The following EEF1AKMT1 variants were observed in gnomAD, a reference collection of about 807,000 sequenced individuals.
EEF1AKMT1 encodes EEF1A lysine methyltransferase 1.
In EEF1AKMT1, 18 loss-of-function variants were observed where a neutral mutation model predicts 21.0. That is an observed-to-expected ratio of 0.86 (90% CI 0.59 to 1.27). The LOEUF (loss-of-function observed/expected upper bound fraction) is 1.27. EEF1AKMT1 is among the 50% of genes most tolerant of loss of function. The pLI is 0.00. For synonymous variants in EEF1AKMT1, 109 were observed against 94.8 expected, an observed-to-expected ratio of 1.15 and a Z score of -0.87; for missense variants, 246 against 258.6, an observed-to-expected ratio of 0.95 and a Z score of 0.33.
intron 1 of EEF1AKMT1, among the ~76,000 whole-genome samples, chr13:20,771,014 G>A (rs1402478661): frequency 1.3e-5 from 2 of 151,902 alleles, no homozygotes; most frequent in African/African-American, 2.4e-5. Flanking sequence ...TGAGTAGCTG[G>A]GACTACAGAT....
intron 3 of EEF1AKMT1, among the ~76,000 whole-genome samples, chr13:20,735,659 A>G (rs569459220): frequency 3.9e-4 from 59 of 152,232 alleles, no homozygotes; most frequent in Non-Finnish European, 6.5e-4. Flanking sequence ...TGAGGCTCCC[A>G]GTTTTCGAGT....
intron 1 of EEF1AKMT1, among the ~76,000 whole-genome samples, chr13:20,762,071 C>G (rs965434646): frequency 3.9e-5 from 6 of 152,120 alleles, no homozygotes; most frequent in Admixed American, 3.9e-4. Context: ...TGTATTTCAG[C>G]CTGGGTAACA....
chr13:20,744,075 T>C (rs187112270), intron 2 of EEF1AKMT1, among the ~76,000 whole-genome samples: 151 of 152,314 alleles, frequency 9.9e-4, no homozygotes, highest in Non-Finnish European at 1.6e-3. Flanking sequence ...TGTGCCACAT[T>C]GTCTTAATCC....
chr13:20,757,664 C>T lies in EEF1AKMT1; in HGVS notation c.-19-47G>A, dbSNP rs570099269. ...TTCTGTGCAGATTTTGTTTCCCCTT[C>T]CCAGCCAGTAATAATTTTTAAAAAT... On this transcript the variant is annotated intron_variant, in intron 1 of 4. Transcript: ENST00000382758. 86 of 1,448,172 alleles carry T rather than the reference C, an allele frequency of 5.9e-5. 1 individual carries two copies. The highest frequency in any genetic ancestry group is 7.5e-5 in the Non-Finnish European group (81 of 1,073,708). The allele number at this position is 1,448,172 out of a possible 1,614,324, so 89.7% of individuals were successfully genotyped here. A position where few individuals can be genotyped will look rare whatever the true frequency, so the allele number is the denominator to read the frequency against.
chr13:20,738,586 A>T (rs1253236974), intron 2 of EEF1AKMT1, among the ~76,000 whole-genome samples: 2 of 152,224 alleles, frequency 1.3e-5, no homozygotes, highest in African/African-American at 4.8e-5. Context: ...AAACAACTCA[A>T]GTGCCCATCA....
intron 3 of EEF1AKMT1, among the ~76,000 whole-genome samples, chr13:20,736,611 G>T (rs2058827654): frequency 6.6e-6 from 1 of 151,528 alleles, no homozygotes; most frequent in African/African-American, 2.4e-5. Context: ...TGGGAATAGG[G>T]TTTTTTTAAA....
In EEF1AKMT1 at chr13:20,732,031, T is replaced by C. The variant is rs747534318; in HGVS notation, c.318A>G (p.Lys106=). ...NFSIYIFEYD[K]RFAMYGEEFI... ...ACTCCTCTCCATACATGGCAAATCT[T>C]TTGTCATATTCAAAGATGTATATCG... The change falls in exon 4 of 5, where the codon AAA becomes AAG. Residue 106 remains lysine, a synonymous_variant. Transcript: ENST00000382758. 1.2e-6 allele frequency: 2 copies of C among 1,614,190 alleles called. No individual in the cohort carries two copies. The highest frequency in any genetic ancestry group is 1.7e-6 in the Non-Finnish European group (2 of 1,180,038).
intron 2 of EEF1AKMT1, among the ~76,000 whole-genome samples, chr13:20,754,905 T>TA (rs34001409): frequency 6.6e-6 from 1 of 151,092 alleles, no homozygotes; most frequent in African/African-American, 2.4e-5. Flanking sequence ...AAAAGAAAAT[T>TA]AAAAAAAAAA....
chr13:20,757,612 T>C lies in EEF1AKMT1; in HGVS notation c.-14A>G, dbSNP rs1347094074. On this transcript the variant is annotated 5_prime_UTR_variant, in exon 2 of 5. The change creates a new upstream start codon in the 5' untranslated region. Transcript: ENST00000382758. ...CAAATCACTCATTTCACAAGTTGTT[T>C]ATAACCTGCAGATCAAGAAATAAAT... The C allele has an allele frequency of 6.2e-7, 1 of 1,610,616 alleles. No individual in the cohort carries two copies. The highest frequency in any genetic ancestry group is 1.3e-5 in the African/African-American group (1 of 74,856).
At chr13:20,739,258 C>A (rs758782122) in intron 2 of EEF1AKMT1, among the ~76,000 whole-genome samples, 2 of 152,150 alleles carry the variant, frequency 1.3e-5, no homozygotes, top group African/African-American at 2.4e-5. Flanking sequence ...CTCATAAAGG[C>A]AACGCAGACC....
intron 1 of EEF1AKMT1, 124 bp from the exon 2 acceptor site, chr13:20,757,741 C>A: frequency 1.3e-6 from 1 of 757,768 alleles, no homozygotes; most frequent in Non-Finnish European, 2.0e-6. Context: ...ACAAGTAAAC[C>A]AAAAATAAAA....
intron 1 of EEF1AKMT1, among the ~76,000 whole-genome samples, chr13:20,763,154 C>T (rs2059009677): frequency 6.6e-6 from 1 of 152,130 alleles, no homozygotes; most frequent in Non-Finnish European, 1.5e-5. Context: ...ATATTGGTCT[C>T]ATCAAATAAA....
chr13:20,771,159 A>G (rs1595034149), intron 1 of EEF1AKMT1, among the ~76,000 whole-genome samples: 1 of 152,204 alleles, frequency 6.6e-6, no homozygotes, highest in Admixed American at 6.5e-5. Context: ...AACATGAGCC[A>G]TTATGCCCAG....
intron 2 of EEF1AKMT1, among the ~76,000 whole-genome samples, chr13:20,753,959 T>G (rs1462065281): frequency 1.3e-5 from 2 of 152,190 alleles, no homozygotes; most frequent in African/African-American, 4.8e-5. Context: ...CTTATTCCTA[T>G]CATTCTATTA....
chr13:20,745,181 A>G (rs865802392), intron 2 of EEF1AKMT1, among the ~76,000 whole-genome samples: 36 of 152,184 alleles, frequency 2.4e-4, no homozygotes, highest in African/African-American at 7.7e-4. Flanking sequence ...TTTTCTTTCC[A>G]TATGAAATTT....
chr13:20,739,505 G>A (rs2058857154), intron 2 of EEF1AKMT1, among the ~76,000 whole-genome samples: 1 of 152,130 alleles, frequency 6.6e-6, no homozygotes, highest in Non-Finnish European at 1.5e-5. Context: ...TTTTGACAGG[G>A]TGCTGATTGG....
intron 1 of EEF1AKMT1, among the ~76,000 whole-genome samples, chr13:20,773,251 T>A (rs1321006434): frequency 6.6e-6 from 1 of 152,160 alleles, no homozygotes; most frequent in Non-Finnish European, 1.5e-5. Context: ...GTACGCCCCA[T>A]GTAACCACAA....
chr13:20,758,456 A>G (rs1473154520), intron 1 of EEF1AKMT1, among the ~76,000 whole-genome samples: 1 of 152,208 alleles, frequency 6.6e-6, no homozygotes, highest in Non-Finnish European at 1.5e-5. Context: ...TAAAATATAT[A>G]AAGCCAATTT....
intron 2 of EEF1AKMT1, among the ~76,000 whole-genome samples, chr13:20,749,050 GT>G (rs2058926951): frequency 6.6e-6 from 1 of 152,232 alleles, no homozygotes; most frequent in Admixed American, 6.5e-5. Flanking sequence ...TTTAAAGCAA[GT>G]TTTGGTTAGT....
Sources: gnomAD v4.1 joint callset for allele counts (sites outside exome capture counted in the v4.1 genomes callset) on GRCh38, gnomAD v4.1.1 for gene constraint, MANE v1.5 for transcripts, NCBI Gene and HGNC (gene_info 2026-07-23, HGNC 2026-07-21) for gene names.